The following ANKRD54 variants were observed in gnomAD, a reference collection of about 807,000 sequenced individuals.
ANKRD54 encodes ankyrin repeat domain-containing protein 54.
In ANKRD54, 26 loss-of-function variants were observed where a neutral mutation model predicts 36.2. The ratio of observed to expected loss-of-function variants is 0.72; its 90% CI spans 0.53 to 1.00. The LOEUF (loss-of-function observed/expected upper bound fraction) is 1.00. ANKRD54 is among the 50% of genes least tolerant of loss of function. The pLI is 0.00. For missense variants in ANKRD54, 384 were observed against 424.3 expected, an observed-to-expected ratio of 0.91 and a Z score of 0.83; for synonymous variants, 209 against 188.4, an observed-to-expected ratio of 1.11 and a Z score of -0.89.
At chr22:37,833,556 A>G in intron 4 of ANKRD54, 128 bp downstream of exon 4, 1 of 973,372 alleles carries the variant, frequency 1.0e-6, no homozygotes, top group Non-Finnish European at 1.6e-6. Flanking sequence ...CAGCCCTGGG[A>G]GTGCAGGCCT....
In ANKRD54 at chr22:37,837,528, C is replaced by A. The variant is rs902042423; in HGVS notation, c.475+972G>T. Among the ~76,000 whole-genome samples the A allele has an allele frequency of 7.9e-5, 12 of 152,180 alleles. 1 individual carries two copies. Among genetic ancestry groups the A allele is most frequent in the Admixed American group, 7.2e-4 (11 of 15,264 alleles). On this transcript the variant is annotated intron_variant, in intron 3 of 7. Transcript: ENST00000215941. Reference sequence around the variant, plus strand: ...ATACTGTGTCCACAGATTCAATGAACCCTGGACTCAGAACCCGAGGATATG... The same window carrying A: ...ATACTGTGTCCACAGATTCAATGAAACCTGGACTCAGAACCCGAGGATATG...
chr22:37,844,595 C>CT (rs200617763), upstream of ANKRD54, among the ~76,000 whole-genome samples: 33 of 151,464 alleles, frequency 2.2e-4, no homozygotes, highest in East Asian at 2.7e-3. Flanking sequence ...ATTTCAGACG[C>CT]TTTTTTTTTG....
chr22:37,832,735 T>C lies in ANKRD54; in HGVS notation c.730A>G (p.Met244Val), dbSNP rs781181471. The C allele has an allele frequency of 6.2e-7, 1 of 1,614,080 alleles. No individual in the cohort carries two copies. Among genetic ancestry groups the C allele is most frequent in the Non-Finnish European group, 8.5e-7 (1 of 1,179,996 alleles). ...VRLEVKQIIH[M>V]LREYLERLGQ... ...AGGCGCTCCAGATACTCCCTCAGCA[T>C]ATGGATGATCTGGAACAAGAGGGTG... is the stretch of plus-strand genomic sequence containing the variant. Residue 244 changes from methionine (M) to valine (V), a missense_variant, in exon 7 of 8, where the codon ATG becomes GTG. By Grantham distance (21) the Met-to-Val change is conservative (BLOSUM62 1). Coordinates refer to ENST00000215941, the MANE Select transcript of ANKRD54 (RefSeq NM_138797.4).
At chr22:37,843,385 T>G (rs554341660) in intron 1 of ANKRD54, among the ~76,000 whole-genome samples, 1 of 152,052 alleles carries the variant, frequency 6.6e-6, no homozygotes, top group African/African-American at 2.4e-5. Flanking sequence ...ATGGCGCCAC[T>G]GCACTCCAGC....
intron 3 of ANKRD54, 57 bp from the exon 4 acceptor site, chr22:37,833,812 A>G (rs779225006): frequency 1.6e-4 from 251 of 1,533,188 alleles, no homozygotes; most frequent in Non-Finnish European, 2.2e-4. Context: ...CTGCACCCTG[A>G]ACCCCTAACC....
rs766878946 is a variant in ANKRD54, at chr22:37,844,117, T to G, written c.122A>C (p.Asp41Ala). 1.3e-6 allele frequency: 2 copies of G among 1,488,972 alleles called. No individual in the cohort carries two copies. The highest frequency in any genetic ancestry group is 2.5e-5 in the South Asian group (2 of 79,238). The allele number at this position is 1,488,972 out of a possible 1,614,324, so 92.2% of individuals were successfully genotyped here. The change falls in exon 1 of 8, where the codon GAC becomes GCC. Residue 41 changes from aspartate (D) to alanine (A), a missense_variant. Asp to Ala is a moderately radical substitution (Grantham distance 126). Transcript: ENST00000215941. ...TDAEGLFSFADFGSALGGGGA... is the reference protein window; with the variant it reads ...TDAEGLFSFAAFGSALGGGGA... ...GCCGCCGCCCAGCGCAGACCCGAAGTCAGCGAAGGAGAAGAGGCCCTCAGC... is the reference window on the plus strand; with the variant it reads ...GCCGCCGCCCAGCGCAGACCCGAAGGCAGCGAAGGAGAAGAGGCCCTCAGC...
chr22:37,848,768 G>C (rs545172466), upstream of ANKRD54: 5 of 152,232 alleles, frequency 3.3e-5, no homozygotes, highest in African/African-American at 1.2e-4. Flanking sequence ...CTCGCTGCAG[G>C]CAAACCGCCT....
intron 3 of ANKRD54, chr22:37,834,077 A>G: frequency 3.2e-6 from 1 of 308,702 alleles, no homozygotes; most frequent in Admixed American, 4.0e-5. Context: ...TGCTTCTCCC[A>G]CAGCCAAGCA....
chr22:37,843,139 T>C (rs1924487325), intron 1 of ANKRD54, among the ~76,000 whole-genome samples: 3 of 152,210 alleles, frequency 2.0e-5, no homozygotes, highest in African/African-American at 7.2e-5. Flanking sequence ...AAACTAGGGC[T>C]GAGGCCGGGC....
At chr22:37,839,325 G>A (rs1024410581) in intron 2 of ANKRD54, among the ~76,000 whole-genome samples, 4 of 152,084 alleles carry the variant, frequency 2.6e-5, no homozygotes, top group African/African-American at 4.8e-5. Flanking sequence ...GTTCCTTTGC[G>A]GACATGGATT....
At chr22:37,833,253 T>C in intron 4 of ANKRD54, 47 bp from the exon 5 acceptor site, 1 of 1,601,942 alleles carries the variant, frequency 6.2e-7, no homozygotes, top group Non-Finnish European at 8.5e-7. Context: ...CACCAGAGCC[T>C]GGCTCTGCGT....
chr22:37,837,626 G>C (rs536208617), intron 3 of ANKRD54, among the ~76,000 whole-genome samples: 11 of 152,320 alleles, frequency 7.2e-5, no homozygotes, highest in African/African-American at 2.6e-4. Context: ...CCAATCCCAA[G>C]AACACTGAGG....
intron 3 of ANKRD54, among the ~76,000 whole-genome samples, chr22:37,838,134 CA>C (rs879514156): frequency 1.7e-3 from 232 of 135,360 alleles, no homozygotes; most frequent in Middle Eastern, 3.8e-3. Flanking sequence ...GACTCCATCT[CA>C]AAAAAAAAAA....
chr22:37,844,086 C>G lies in ANKRD54; in HGVS notation c.153G>C (p.Ala51=), dbSNP rs1407992492. ...CGCCGGACGCCCGGCCCGAGAGGCCCGCGCCGCCGCCGCCCAGCGCAGACC... is the reference window on the plus strand; with the variant it reads ...CGCCGGACGCCCGGCCCGAGAGGCCGGCGCCGCCGCCGCCCAGCGCAGACC... ...DFGSALGGGG[A]GLSGRASGGA... The change falls in exon 1 of 8, where the codon GCG becomes GCC. Residue 51 remains alanine, a synonymous_variant. Coordinates refer to ENST00000215941, the MANE Select transcript of ANKRD54 (RefSeq NM_138797.4). The G allele has an allele frequency of 6.9e-7, 1 of 1,448,968 alleles. No homozygotes were observed. The highest frequency in any genetic ancestry group is 1.5e-5 in the African/African-American group (1 of 67,038). The allele number at this position is 1,448,968 out of a possible 1,614,324, so 89.8% of individuals were successfully genotyped here.
upstream of ANKRD54, chr22:37,849,280 C>A (rs1204632380): frequency 2.5e-6 from 2 of 810,216 alleles, no homozygotes; most frequent in Admixed American, 4.0e-5. Context: ...GTGTGAGCCA[C>A]GGAACGCGGC....
Position 37,840,254 on chromosome 22 carries a change from T to G in ANKRD54, c.329-20A>C. On this transcript the variant is annotated intron_variant, in intron 1 of 7. Transcript: ENST00000215941. ...TCAGAGCTGTAAAGAGAGTAACGGA[T>G]GCCAGTTTAAAAAAACAGCCATGGC... is the stretch of plus-strand genomic sequence containing the variant. The G allele has an allele frequency of 3.7e-6, 6 of 1,613,624 alleles. No homozygotes were observed. Among genetic ancestry groups the G allele is most frequent in the Non-Finnish European group, 4.2e-6 (5 of 1,179,750 alleles).
Position 37,834,021 on chromosome 22 carries a change from C to T in ANKRD54, c.476-266G>A, listed in dbSNP as rs1169038031. On this transcript the variant is annotated intron_variant, in intron 3 of 7. Transcript: ENST00000215941. ...GAGATTTGAAGGGTTAAGTAAAGTT[C>T]TTCCAATAGCAGCTGCTCCTGGTGA... 5 of 414,110 alleles carry T rather than the reference C, an allele frequency of 1.2e-5. No individual in the cohort carries two copies. In the East Asian group the frequency reaches 1.5e-4, roughly 13 times the overall value. The allele number at this position is 414,110 out of a possible 1,614,324, so 25.7% of individuals were successfully genotyped here. A position where few individuals can be genotyped will look rare whatever the true frequency, so the allele number is the denominator to read the frequency against.
In ANKRD54 at chr22:37,836,835, C is replaced by T. The variant is rs147096524; in HGVS notation, c.475+1665G>A. Reference sequence around the variant, plus strand: ...CCTGAGGTCAGGAGTTTGTGACTAGCCTGGCCAACATGGTGAAACCCTGTC... The same window carrying T: ...CCTGAGGTCAGGAGTTTGTGACTAGTCTGGCCAACATGGTGAAACCCTGTC... On this transcript the variant is annotated intron_variant, in intron 3 of 7. Transcript: ENST00000215941. 2.7e-3 allele frequency among the ~76,000 whole-genome samples: 404 copies of T among 151,974 alleles called. 1 individual carries two copies. Among genetic ancestry groups the T allele is most frequent in the Middle Eastern group, 6.8e-3 (2 of 294 alleles).
chr22:37,838,375 A>C, intron 3 of ANKRD54, 125 bp downstream of exon 3: 2 of 930,130 alleles, frequency 2.2e-6, no homozygotes. Context: ...CTGCAGTGCC[A>C]AGTCTTCCTT....
Sources: gnomAD v4.1 joint callset for allele counts (sites outside exome capture counted in the v4.1 genomes callset) on GRCh38, gnomAD v4.1.1 for gene constraint, MANE v1.5 for transcripts, NCBI Gene and HGNC (gene_info 2026-07-23, HGNC 2026-07-21) for gene names.